Variants in XRN1 observed in about 807,000 individuals in gnomAD.
XRN1 encodes strand-exchange protein 1 homolog.
A neutral mutation model predicts 222.3 loss-of-function variants in XRN1; 67 were observed. The ratio of observed to expected loss-of-function variants is 0.30; its 90% CI spans 0.25 to 0.37. The LOEUF (loss-of-function observed/expected upper bound fraction) is 0.37, where lower values mean the gene tolerates loss of function less well. Among genes scored for constraint, XRN1 ranks in the 10% least tolerant of loss-of-function variants. XRN1 has a pLI of 1.00. For missense variants in XRN1, 1,707 were observed against 2,000.2 expected, an observed-to-expected ratio of 0.85 and a Z score of 2.80; for synonymous variants, 643 against 652.4, an observed-to-expected ratio of 0.99 and a Z score of 0.22.
In XRN1 at chr3:142,391,511, T is replaced by C. The variant is rs376414961; in HGVS notation, c.2339+5818A>G. The stretch of plus-strand genomic sequence containing the variant: ...CCAGAGGCTAAGGCAGGAGTATCAC[T>C]TGAGGCTAGGTGTTTGAGACTAGCC... On this transcript the variant is annotated intron_variant, in intron 20 of 40. Transcript: ENST00000392981. Among the ~76,000 whole-genome samples, 9 of 152,152 alleles carry C rather than the reference T, an allele frequency of 5.9e-5. No individual in the cohort carries two copies. In the East Asian group the frequency reaches 1.7e-3, roughly 29 times the overall value.
rs1000268542 is a variant in XRN1 at position 142,353,179 on chromosome 3, C to T, written c.3768+2222G>A. On this transcript the variant is annotated intron_variant, in intron 32 of 40. Transcript: ENST00000392981. Reference sequence around the variant, plus strand: ...AAAAGTAAGTTGTTAAATGCGATAACGGCCTTTGTTGAATTTAAAATATAG... The same window carrying T: ...AAAAGTAAGTTGTTAAATGCGATAATGGCCTTTGTTGAATTTAAAATATAG... 3.3e-5 allele frequency among the ~76,000 whole-genome samples: 5 copies of T among 152,080 alleles called. No homozygotes were observed. The South Asian group carries it at 1.0e-3, about 31-fold the overall frequency.
intron 33 of XRN1, among the ~76,000 whole-genome samples, chr3:142,337,001 C>T (rs1203652770): frequency 6.6e-6 from 1 of 151,574 alleles, no homozygotes; most frequent in African/African-American, 2.4e-5. Flanking sequence ...AAGTTAAAAA[C>T]CACAAAATTT....
At chr3:142,375,607 T>C (rs566920300) in intron 25 of XRN1, among the ~76,000 whole-genome samples, 191 bp downstream of exon 25, 1 of 152,316 alleles carries the variant, frequency 6.6e-6, no homozygotes, top group South Asian at 2.1e-4. Context: ...TTTTTAATAA[T>C]ATGGTATTTT....
intron 37 of XRN1, among the ~76,000 whole-genome samples, chr3:142,328,686 T>C (rs1424133397): frequency 1.7e-5 from 2 of 115,378 alleles, no homozygotes; most frequent in Admixed American, 9.5e-5. Context: ...AATAAACATA[T>C]AGGTTTACTT....
chr3:142,387,154 T>C (rs937537883), intron 20 of XRN1, among the ~76,000 whole-genome samples: 4 of 152,152 alleles, frequency 2.6e-5, no homozygotes, highest in Non-Finnish European at 4.4e-5. Flanking sequence ...CAAACTATGA[T>C]TACATGTAAC....
intron 29 of XRN1, among the ~76,000 whole-genome samples, chr3:142,363,385 C>G (rs1199398975): frequency 6.6e-6 from 1 of 152,070 alleles, no homozygotes; most frequent in East Asian, 1.9e-4. Context: ...ACGGGGACAG[C>G]ACCATTTGTT....
At chr3:142,332,838 C>T in intron 35 of XRN1, 129 bp downstream of exon 35, 1 of 1,390,962 alleles carries the variant, frequency 7.2e-7, no homozygotes, top group Non-Finnish European at 9.6e-7. Context: ...GGTTTCCTCA[C>T]AAGATGACAA....
At chr3:142,446,166 A>C (rs1490628131) in intron 1 of XRN1, among the ~76,000 whole-genome samples, 2 of 152,176 alleles carry the variant, frequency 1.3e-5, no homozygotes, top group Non-Finnish European at 2.9e-5. Context: ...AACCTATGCT[A>C]CTGAGGCCAC....
At chr3:142,428,513 A>G (rs1257254821) in intron 2 of XRN1, among the ~76,000 whole-genome samples, 7 of 152,252 alleles carry the variant, frequency 4.6e-5, no homozygotes, top group Admixed American at 4.6e-4. Flanking sequence ...TGACAGGAAC[A>G]AGGTAAGACT....
chr3:142,442,612 C>G (rs530541796), intron 1 of XRN1, among the ~76,000 whole-genome samples: 1 of 152,294 alleles, frequency 6.6e-6, no homozygotes, highest in Admixed American at 6.5e-5. Flanking sequence ...CATCAGATGG[C>G]CAAATTATTA....
chr3:142,378,298 A>G (rs1368380812), intron 23 of XRN1, among the ~76,000 whole-genome samples: 1 of 152,224 alleles, frequency 6.6e-6, no homozygotes, highest in Non-Finnish European at 1.5e-5. Context: ...GTTCATTCTT[A>G]GCTGAGTGGA....
intron 32 of XRN1, among the ~76,000 whole-genome samples, chr3:142,354,523 A>G (rs147636012): frequency 6.6e-6 from 1 of 152,362 alleles, no homozygotes; most frequent in East Asian, 1.9e-4. Context: ...CATGGACTCA[A>G]TCTAAGTGCT....
chr3:142,401,832 C>T (rs556289831), intron 18 of XRN1, among the ~76,000 whole-genome samples: 4 of 152,254 alleles, frequency 2.6e-5, no homozygotes, highest in East Asian at 1.9e-4. Context: ...ACCAATCTAC[C>T]GAAATGGAAT....
rs1025529239 is a variant in XRN1 at position 142,447,456 on chromosome 3, T to C, written c.75+414A>G. ...GCGTGCGGAAGCGGCTGTTATCGTC[T>C]GTAAGTGGGTCTGCCGCTCTGGGTG... On this transcript the variant is annotated intron_variant, in intron 1 of 40. Coordinates refer to ENST00000392981, the MANE Select transcript of XRN1 (RefSeq NM_001282857.2). The surrounding 1 kb of genome is among the most constrained non-coding windows in gnomAD (Gnocchi z 4.2). Among the ~76,000 whole-genome samples, 1 of 152,142 alleles carries C rather than the reference T, an allele frequency of 6.6e-6. No individual in the cohort carries two copies. The highest frequency in any genetic ancestry group is 2.4e-5 in the African/African-American group (1 of 41,434).
chr3:142,377,513 C>T (rs1006364321), intron 23 of XRN1, among the ~76,000 whole-genome samples: 1 of 152,154 alleles, frequency 6.6e-6, no homozygotes, highest in Non-Finnish European at 1.5e-5. Flanking sequence ...CTGGCATGGG[C>T]TACTAGCACT....
At chr3:142,319,273 G>C (rs1264685991) in intron 37 of XRN1, among the ~76,000 whole-genome samples, 1 of 151,932 alleles carries the variant, frequency 6.6e-6, no homozygotes, top group South Asian at 2.1e-4. Context: ...TGTAGAGTTC[G>C]GAAGCTGTGA....
intron 23 of XRN1, among the ~76,000 whole-genome samples, 195 bp from the exon 24 acceptor site, chr3:142,376,789 C>T (rs1011852810): frequency 5.3e-5 from 8 of 152,100 alleles, no homozygotes; most frequent in Non-Finnish European, 1.2e-4. Flanking sequence ...GCTCCTCTCT[C>T]TTTCTCCTTA....
At chr3:142,318,561 G>T in intron 39 of XRN1, 31 bp downstream of exon 39, 1 of 1,537,186 alleles carries the variant, frequency 6.5e-7, no homozygotes, top group Non-Finnish European at 8.9e-7. Flanking sequence ...ACAACTCAAT[G>T]ACAAATACTT....
intron 20 of XRN1, among the ~76,000 whole-genome samples, chr3:142,385,530 CAT>C (rs1331130559): frequency 6.6e-6 from 1 of 152,146 alleles, no homozygotes; most frequent in African/African-American, 2.4e-5. Context: ...TTTACTGGAA[CAT>C]AGTTATCCAT....
Sources: gnomAD v4.1 joint callset for allele counts (sites outside exome capture counted in the v4.1 genomes callset) on GRCh38, gnomAD v4.1.1 for gene constraint, Gnocchi (gnomAD v3.1) non-coding constraint, MANE v1.5 for transcripts, NCBI Gene and HGNC (gene_info 2026-07-23, HGNC 2026-07-21) for gene names.